SLC8A1: variants seen among roughly 807,000 people sequenced by gnomAD.
The protein encoded by SLC8A1 is sodium/calcium exchanger 1.
SLC8A1 carries 18 observed loss-of-function variants against 68.3 expected under a neutral mutation model. The ratio of observed to expected loss-of-function variants is 0.26; its 90% CI spans 0.18 to 0.39. SLC8A1 has a LOEUF of 0.39. Ranked by LOEUF, SLC8A1 falls within the 10% of genes least tolerant of loss-of-function variation. The probability of loss-of-function intolerance (pLI) is 1.00; values close to 1 mark genes in which losing one functional copy is unlikely to be tolerated. For synonymous variants in SLC8A1, 475 were observed against 415.5 expected, an observed-to-expected ratio of 1.14 and a Z score of -1.74; for missense variants, 985 against 1,156.7, an observed-to-expected ratio of 0.85 and a Z score of 2.15.
intron 2 of SLC8A1, among the ~76,000 whole-genome samples, chr2:40,199,106 AAATT>A: frequency 7.6e-6 from 1 of 131,616 alleles, no homozygotes; most frequent in Non-Finnish European, 1.7e-5. Context: ...AAGACTCCAA[AAATT>A]AATCTGATCC....
intron 2 of SLC8A1, among the ~76,000 whole-genome samples, chr2:40,237,007 G>C: frequency 6.6e-6 from 1 of 150,436 alleles, no homozygotes; most frequent in Non-Finnish European, 1.5e-5. Context: ...AGGGTAACCC[G>C]ACCTTTCTCT....
chr2:40,322,169 G>T (rs1384432540), intron 2 of SLC8A1, among the ~76,000 whole-genome samples: 3 of 152,166 alleles, frequency 2.0e-5, no homozygotes, highest in Admixed American at 6.6e-5. Context: ...TAGGAAGGCT[G>T]CTGTGTGGTT....
chr2:40,239,027 A>C (rs2060840188), intron 2 of SLC8A1, among the ~76,000 whole-genome samples: 1 of 149,106 alleles, frequency 6.7e-6, no homozygotes, highest in Non-Finnish European at 1.5e-5. Context: ...AGTTCCCCAA[A>C]TGAATTTTAA....
At chr2:40,177,738 G>A (rs1331704767) in intron 3 of SLC8A1, 4 of 1,484,306 alleles carry the variant, frequency 2.7e-6, no homozygotes, top group African/African-American at 2.8e-5. Flanking sequence ...GTATGTCTTT[G>A]TTTACTCTCA....
At chr2:40,279,168 A>T (rs1242209679) in intron 2 of SLC8A1, among the ~76,000 whole-genome samples, 1 of 152,216 alleles carries the variant, frequency 6.6e-6, no homozygotes, top group Non-Finnish European at 1.5e-5. Context: ...GCCCAAGACC[A>T]TGGAGAATCC....
At chr2:40,130,490 A>C (rs2148197935) in intron 7 of SLC8A1, among the ~76,000 whole-genome samples, 1 of 152,376 alleles carries the variant, frequency 6.6e-6, no homozygotes, top group South Asian at 2.1e-4. Context: ...TTGAGTGATT[A>C]GGGCTGTCCC....
chr2:40,125,219 A>C (rs182768857), intron 7 of SLC8A1, among the ~76,000 whole-genome samples: 20 of 152,302 alleles, frequency 1.3e-4, no homozygotes, highest in Non-Finnish European at 2.6e-4. Flanking sequence ...TATGTTAGAC[A>C]AATCCTTGGA....
intron 2 of SLC8A1, among the ~76,000 whole-genome samples, chr2:40,396,322 G>A (rs528566420): frequency 1.3e-5 from 2 of 152,238 alleles, no homozygotes; most frequent in Middle Eastern, 3.4e-3. Context: ...TCCCATAGAA[G>A]TCAGGTGCTC....
chr2:40,237,622 A>G (rs1248279424), intron 2 of SLC8A1, among the ~76,000 whole-genome samples: 1 of 151,906 alleles, frequency 6.6e-6, no homozygotes, highest in African/African-American at 2.4e-5. Context: ...GTCATTCTCC[A>G]TCCAGCTTTG....
At chr2:40,109,596 C>A (rs1410798861) in exon 8 of SLC8A1, 1 of 152,070 alleles carries the variant, frequency 6.6e-6, no homozygotes, top group Non-Finnish European at 1.5e-5. Flanking sequence ...AAAAACATGT[C>A]TTGAGCAATC....
intron 2 of SLC8A1, among the ~76,000 whole-genome samples, chr2:40,252,384 G>T (rs2062898695): frequency 6.6e-6 from 1 of 152,140 alleles, no homozygotes; most frequent in Admixed American, 6.5e-5. Context: ...CCAGGCTGGA[G>T]TGCAGTGGCA....
At chr2:40,506,892 A>C (rs1706403835) in intron 1 of SLC8A1, among the ~76,000 whole-genome samples, 1 of 152,018 alleles carries the variant, frequency 6.6e-6, no homozygotes, top group Admixed American at 6.6e-5. Context: ...GTCTGGTAGA[A>C]TGTGAGGAAG....
intron 1 of SLC8A1, among the ~76,000 whole-genome samples, chr2:40,499,210 G>C (rs1559773847): frequency 6.6e-6 from 1 of 152,030 alleles, no homozygotes; most frequent in Non-Finnish European, 1.5e-5. Context: ...TCATCTCTGT[G>C]CTGCGTTTGC....
chr2:40,239,179 T>C (rs115085151), intron 2 of SLC8A1, among the ~76,000 whole-genome samples: 2,257 of 152,298 alleles, frequency 0.015, 64 homozygotes, highest in African/African-American at 0.052. Flanking sequence ...ATGTCAATCA[T>C]GCAAAAAGGG....
intron 1 of SLC8A1, among the ~76,000 whole-genome samples, chr2:40,467,232 C>T (rs978762939): frequency 6.6e-6 from 1 of 152,244 alleles, no homozygotes; most frequent in East Asian, 1.9e-4. Flanking sequence ...TCCAAAGACT[C>T]CACTATTAAC....
chr2:40,254,682 C>CTAGTTGATCTGAA, intron 2 of SLC8A1: 1 of 152,330 alleles, frequency 6.6e-6, no homozygotes, highest in South Asian at 2.1e-4. Context: ...CTAATGCTGT[C>CTAGTTGATCTGAA]TAGTTGATCT....
intron 2 of SLC8A1, among the ~76,000 whole-genome samples, chr2:40,389,055 A>G (rs1350686813): frequency 6.6e-6 from 1 of 151,804 alleles, no homozygotes; most frequent in East Asian, 1.9e-4. Flanking sequence ...TATTTACACA[A>G]ATGTGGCTAT....
In SLC8A1 at chr2:40,299,447, C is replaced by G. The variant is rs536834066; in HGVS notation, c.1809-121592G>C. Reference sequence around the variant, plus strand: ...CTAATAGAATTGTGGCTGAACTCATCTCCTACTTGGATTATTTGTCTTGAG... The same window carrying G: ...CTAATAGAATTGTGGCTGAACTCATGTCCTACTTGGATTATTTGTCTTGAG... On this transcript the variant is annotated intron_variant, in intron 2 of 7. Transcript: ENST00000406785. 1.4e-4 allele frequency among the ~76,000 whole-genome samples: 21 copies of G among 152,302 alleles called. No homozygotes were observed. The South Asian group carries it at 4.3e-3, about 32-fold the overall frequency.
chr2:40,410,448 G>A (rs1345827170), intron 2 of SLC8A1, among the ~76,000 whole-genome samples: 1 of 152,112 alleles, frequency 6.6e-6, no homozygotes, highest in Middle Eastern at 3.4e-3. Flanking sequence ...ATGTATATGA[G>A]TACTACAGGA....
Sources: gnomAD v4.1 joint callset for allele counts (sites outside exome capture counted in the v4.1 genomes callset) on GRCh38, gnomAD v4.1.1 for gene constraint, MANE v1.5 for transcripts, NCBI Gene and HGNC (gene_info 2026-07-23, HGNC 2026-07-21) for gene names.